Variants in DSE observed in about 807,000 individuals in gnomAD.
DSE encodes the protein dermatan sulfate epimerase, also known as dermatan-sulfate epimerase.
A neutral mutation model predicts 84.4 loss-of-function variants in DSE; 36 were observed. The ratio of observed to expected loss-of-function variants is 0.43; its 90% CI spans 0.33 to 0.56. The LOEUF is 0.56. Ranked by LOEUF, DSE falls within the 20% of genes least tolerant of loss-of-function variation. The pLI is 0.06. For synonymous variants in DSE, 410 were observed against 430.1 expected (o/e 0.95, Z 0.58); for missense variants, 862 against 1,169.6 (o/e 0.74, Z 3.84).
At chr6:116,261,854 CAT>C (rs1330994306) in intron 2 of DSE, among the ~76,000 whole-genome samples, 1 of 152,140 alleles carries the variant, frequency 6.6e-6, no homozygotes, top group African/African-American at 2.4e-5. Context: ...TTGATATAAT[CAT>C]ATGGTTTTTG....
chr6:116,270,047 C>T (rs1488114811), intron 2 of DSE, among the ~76,000 whole-genome samples: 1 of 151,988 alleles, frequency 6.6e-6, no homozygotes, highest in Non-Finnish European at 1.5e-5. Context: ...GAGCTAAATA[C>T]AAATAAATAG....
chr6:116,258,099 A>G (rs1582899975), intron 1 of DSE, among the ~76,000 whole-genome samples: 1 of 152,014 alleles, frequency 6.6e-6, no homozygotes, highest in African/African-American at 2.4e-5. Context: ...GCTCACTGCA[A>G]CCTCCACCTC....
chr6:116,293,437 A>G (rs1774429850), intron 2 of DSE, among the ~76,000 whole-genome samples: 1 of 152,004 alleles, frequency 6.6e-6, no homozygotes, highest in African/African-American at 2.4e-5. Flanking sequence ...ATGCCCAGCT[A>G]ATTTTTGTAC....
intron 2 of DSE, among the ~76,000 whole-genome samples, chr6:116,281,905 CT>C (rs1480735752): frequency 6.6e-6 from 1 of 152,178 alleles, no homozygotes; most frequent in African/African-American, 2.4e-5. Flanking sequence ...CAGTTTCCTA[CT>C]CAGGAGAATG....
At chr6:116,433,217 CTTTTA>C (rs1002808946) in intron 4 of DSE, 121 bp from the exon 5 acceptor site, 16 of 913,752 alleles carry the variant, frequency 1.8e-5, no homozygotes, top group African/African-American at 1.5e-4. Context: ...TGTGATTTTT[CTTTTA>C]TTTTATCCCT....
intron 2 of DSE, among the ~76,000 whole-genome samples, chr6:116,417,724 A>G (rs184181512): frequency 1.4e-4 from 21 of 152,284 alleles, no homozygotes; most frequent in African/African-American, 5.1e-4. Context: ...TTAATATACA[A>G]TGAGTTCCCA....
At chr6:116,303,380 T>C (rs1345817060) in intron 2 of DSE, among the ~76,000 whole-genome samples, 1 of 152,182 alleles carries the variant, frequency 6.6e-6, no homozygotes, top group Non-Finnish European at 1.5e-5. Flanking sequence ...ATTGTAGATA[T>C]TTAATACCCT....
chr6:116,401,922 G>T (rs1247921941), intron 2 of DSE, among the ~76,000 whole-genome samples: 1 of 65,084 alleles, frequency 1.5e-5, no homozygotes, highest in Admixed American at 1.8e-4. Flanking sequence ...TATTATGAAA[G>T]TAAAAAAAAA....
intron 2 of DSE, among the ~76,000 whole-genome samples, chr6:116,338,889 C>G (rs1777423817): frequency 6.6e-6 from 1 of 152,204 alleles, no homozygotes; most frequent in African/African-American, 2.4e-5. Flanking sequence ...AGGGCTTGCC[C>G]AGACATTTTT....
At chr6:116,272,637 TAAG>T (rs1388840477) in intron 2 of DSE, among the ~76,000 whole-genome samples, 2 of 152,156 alleles carry the variant, frequency 1.3e-5, no homozygotes, top group African/African-American at 2.4e-5. Context: ...TTCCCTAACT[TAAG>T]GAGTTCAAGA....
At chr6:116,430,930 C>T (rs1783793619) in intron 3 of DSE, 24 bp from the exon 4 acceptor site, 1 of 1,610,084 alleles carries the variant, frequency 6.2e-7, no homozygotes, top group Admixed American at 1.7e-5. Context: ...TTAGTCATTG[C>T]TTCCATGTGT....
In DSE at chr6:116,364,525, T is replaced by C. The variant is rs187739442; in HGVS notation, c.-53-34673T>C. On this transcript the variant is annotated intron_variant, in intron 2 of 3. Transcript: ENST00000430252. ...AGCAGAAGGAGAAGTCTGAATGGCCTGGCTGTTAAATGTTTTACTGGAATT... is the reference window on the plus strand; with the variant it reads ...AGCAGAAGGAGAAGTCTGAATGGCCCGGCTGTTAAATGTTTTACTGGAATT... Among the ~76,000 whole-genome samples, 169 of 152,388 alleles carry C rather than the reference T, an allele frequency of 1.1e-3. 1 individual carries two copies. Among genetic ancestry groups the C allele is most frequent in the African/African-American group, 3.9e-3 (162 of 41,586 alleles).
At chr6:116,411,409 T>C (rs754905983) in intron 2 of DSE, among the ~76,000 whole-genome samples, 1 of 152,232 alleles carries the variant, frequency 6.6e-6, no homozygotes, top group Non-Finnish European at 1.5e-5. Flanking sequence ...TTTCTGGAGC[T>C]GAAGCCAAAG....
rs1415085162 is a variant in DSE, at chr6:116,399,346, G to A, written c.96G>A (p.Met32Ile). 1.1e-5 allele frequency: 18 copies of A among 1,614,068 alleles called. No individual in the cohort carries two copies. In the East Asian group the frequency reaches 4.0e-4, roughly 36 times the overall value. Residue 32 changes from methionine to isoleucine, a missense_variant, in exon 2 of 6, where the codon ATG becomes ATA. This residue lies in a region of DSE where 52 missense variants were observed against 49.6 expected (regional missense o/e 1.05). Coordinates refer to ENST00000644252, the MANE Select transcript of DSE (RefSeq NM_013352.4). ...AYITDENPEV[M>I]IPFTNANYDS... ...TCACCGACGAGAACCCAGAAGTTAT[G>A]ATTCCCTTCACCAATGCCAACTACG...
chr6:116,291,544 G>C (rs534849047), intron 2 of DSE, among the ~76,000 whole-genome samples: 32 of 150,994 alleles, frequency 2.1e-4, no homozygotes, highest in Middle Eastern at 3.5e-3. Flanking sequence ...ATAGTTAAAG[G>C]CTTTTTATTA....
At chr6:116,295,160 GAAGA>G (rs1182544555) in intron 2 of DSE, among the ~76,000 whole-genome samples, 3 of 152,112 alleles carry the variant, frequency 2.0e-5, no homozygotes, top group African/African-American at 7.2e-5. Flanking sequence ...CTTCCTAGAA[GAAGA>G]AAGGACACTT....
chr6:116,365,164 G>T (rs1403934417), intron 2 of DSE, among the ~76,000 whole-genome samples: 5 of 151,568 alleles, frequency 3.3e-5, no homozygotes, highest in African/African-American at 1.2e-4. Flanking sequence ...ATAAAACAGT[G>T]GTTCCAAACT....
At chr6:116,297,013 G>C (rs1225399119) in intron 2 of DSE, among the ~76,000 whole-genome samples, 1 of 152,128 alleles carries the variant, frequency 6.6e-6, no homozygotes, top group African/African-American at 2.4e-5. Flanking sequence ...AGGGAAAGTG[G>C]CTTAAACTAG....
chr6:116,299,498 TTATTTTTATATA>T (rs1226302638), intron 2 of DSE, among the ~76,000 whole-genome samples: 1 of 22,668 alleles, frequency 4.4e-5, no homozygotes. Flanking sequence ...GCTTCTTGAA[TTATTTTTATATA>T]TATATATATA....
Sources: allele counts gnomAD v4.1 joint callset (sites outside exome capture counted in the v4.1 genomes callset), GRCh38; gene constraint gnomAD v4.1.1; regional missense constraint gnomAD v4.1.1; transcripts MANE v1.5; gene names NCBI Gene and HGNC (gene_info 2026-07-23, HGNC 2026-07-21).